Variants in RANGAP1 observed in about 807,000 individuals in gnomAD.
RANGAP1 encodes the protein Ran GTPase activating protein 1.
A neutral mutation model predicts 63.5 loss-of-function variants in RANGAP1; 38 were observed. That is an observed-to-expected ratio of 0.60 (90% CI 0.46 to 0.78). RANGAP1 has a LOEUF of 0.78. Ranked by LOEUF, RANGAP1 falls within the 30% of genes least tolerant of loss-of-function variation. The pLI is 0.00. For missense variants in RANGAP1, 630 were observed against 740.3 expected (o/e 0.85, Z 1.73); for synonymous variants, 329 against 310.5 (o/e 1.06, Z -0.63).
chr22:41,296,751 C>G, the RANGAP1 span, among the ~76,000 whole-genome samples: 6 of 151,754 alleles, frequency 4.0e-5, no homozygotes, highest in Admixed American at 3.9e-4. Context: ...ATAGAATCAG[C>G]AGGAGATATA....
the RANGAP1 span, among the ~76,000 whole-genome samples, chr22:41,294,326 T>C: frequency 6.6e-6 from 1 of 152,230 alleles, no homozygotes; most frequent in Non-Finnish European, 1.5e-5. Context: ...GGTGCCGGGA[T>C]TGCAGACGGA....
chr22:41,284,651 C>T (rs9623369), intron 1 of RANGAP1, among the ~76,000 whole-genome samples: 1 of 151,886 alleles, frequency 6.6e-6, no homozygotes. Context: ...GTGGGCGGAT[C>T]GATTGAGCAC....
At chr22:41,272,029 C>T (rs751814825) in intron 3 of RANGAP1, among the ~76,000 whole-genome samples, 16 of 152,218 alleles carry the variant, frequency 1.1e-4, no homozygotes, top group Non-Finnish European at 1.9e-4. Context: ...AGGACAACCT[C>T]TGAGGAAGAA....
chr22:41,272,073 C>T (rs2145802307), intron 3 of RANGAP1, among the ~76,000 whole-genome samples: 1 of 152,334 alleles, frequency 6.6e-6, no homozygotes, highest in Admixed American at 6.5e-5. Context: ...ATATAAGAGC[C>T]CAGCCTCAGA....
chr22:41,261,969 G>A (rs1016638314), intron 5 of RANGAP1, among the ~76,000 whole-genome samples: 8 of 152,292 alleles, frequency 5.3e-5, no homozygotes, highest in African/African-American at 1.9e-4. Context: ...CCATTTTCCA[G>A]CTGAAGAAAC....
the RANGAP1 span, among the ~76,000 whole-genome samples, chr22:41,300,086 C>G: frequency 6.6e-6 from 1 of 152,054 alleles, no homozygotes; most frequent in African/African-American, 2.4e-5. Flanking sequence ...ATCCTCACCT[C>G]TGGTTGGGGT....
chr22:41,272,206 A>G (rs1161680583), intron 3 of RANGAP1, among the ~76,000 whole-genome samples: 2 of 151,798 alleles, frequency 1.3e-5, no homozygotes, highest in Non-Finnish European at 2.9e-5. Context: ...TGGCTCCTTC[A>G]TTCCTGTTCT....
chr22:41,284,074 C>T (rs935778059), intron 1 of RANGAP1, among the ~76,000 whole-genome samples: 95 of 151,866 alleles, frequency 6.3e-4, no homozygotes, highest in Admixed American at 4.8e-3. Context: ...CGGTGAAACC[C>T]GTCTCCACTA....
rs144343100 is a variant in RANGAP1, at chr22:41,258,060, T to G, written c.662A>C (p.Asn221Thr). Residue 221 changes from asparagine to threonine, a missense_variant, in exon 7 of 16, where the codon AAC (asparagine) becomes ACC (threonine). By Grantham distance (65) the Asn-to-Thr change is moderately conservative. Coordinates refer to ENST00000356244, the MANE Select transcript of RANGAP1 (RefSeq NM_002883.4). Reference protein sequence around the residue: ...EEVHMPQNGINHPGITALAQA... With the variant: ...EEVHMPQNGITHPGITALAQA... ...GGCCAGGGCAGTGATGCCAGGGTGG[T>G]TGATCCCATTCTGTGGCATGTGGAC... The G allele has an allele frequency of 1.2e-6, 2 of 1,613,400 alleles. No individual in the cohort carries two copies. The highest frequency in any genetic ancestry group is 2.2e-5 in the East Asian group (1 of 44,810).
At chr22:41,300,100 G>T in the RANGAP1 span, among the ~76,000 whole-genome samples, 2 of 152,002 alleles carry the variant, frequency 1.3e-5, no homozygotes, top group African/African-American at 4.8e-5. Flanking sequence ...TTGGGGTCTT[G>T]TAATAAAGAC....
intron 4 of RANGAP1, among the ~76,000 whole-genome samples, chr22:41,266,083 T>A (rs1439085118): frequency 6.6e-6 from 1 of 151,912 alleles, no homozygotes; most frequent in East Asian, 1.9e-4. Context: ...GCGCCTGTAG[T>A]CCCAGCTACT....
rs746356552 is a variant in RANGAP1, at chr22:41,258,018, T to C, written c.704A>G (p.Asn235Ser). 1.2e-5 allele frequency: 20 copies of C among 1,612,986 alleles called. No homozygotes were observed. The Middle Eastern group carries it at 8.2e-4, about 66-fold the overall frequency. The stretch of plus-strand genomic sequence containing the variant: ...CAGGTTGATGACCCGCAGCAGGGGG[T>C]TGACAGCGAAAGCCTGGGCCAGGGC... ...ITALAQAFAV[N>S]PLLRVINLND... Residue 235 changes from asparagine (N) to serine (S), a missense_variant, in exon 7 of 16, where the codon AAC (asparagine) becomes AGC (serine). Physicochemically the swap from Asn to Ser is conservative, Grantham distance 46 (BLOSUM62 1). This residue lies in a region of RANGAP1 where 428 missense variants were observed against 465.5 expected (regional missense o/e 0.92). Transcript: ENST00000356244.
intron 5 of RANGAP1, among the ~76,000 whole-genome samples, chr22:41,262,220 T>A (rs1460987680): frequency 6.6e-6 from 1 of 152,108 alleles, no homozygotes; most frequent in African/African-American, 2.4e-5. Flanking sequence ...GTCCCTGGTG[T>A]GGTGCCAGGA....
intron 3 of RANGAP1, among the ~76,000 whole-genome samples, chr22:41,268,865 G>A (rs1471215954): frequency 1.3e-5 from 2 of 152,096 alleles, no homozygotes; most frequent in African/African-American, 4.8e-5. Flanking sequence ...GACCAGTCTG[G>A]CCAACATGGT....
intron 1 of RANGAP1, among the ~76,000 whole-genome samples, chr22:41,283,931 G>A (rs1395955700): frequency 6.6e-6 from 1 of 152,154 alleles, no homozygotes; most frequent in Non-Finnish European, 1.5e-5. Context: ...CTCAAGAAAC[G>A]ACCAGTTGAA....
intron 2 of RANGAP1, among the ~76,000 whole-genome samples, chr22:41,276,464 C>A (rs992117142): frequency 6.6e-6 from 1 of 151,088 alleles, no homozygotes; most frequent in Non-Finnish European, 1.5e-5. Flanking sequence ...ATGATGAAAC[C>A]CTGTCTCTAA....
intron 10 of RANGAP1, among the ~76,000 whole-genome samples, chr22:41,254,995 A>AC (rs1555930540): frequency 5.3e-5 from 8 of 151,142 alleles, no homozygotes; most frequent in Admixed American, 2.0e-4. Context: ...AAAAAAAAAA[A>AC]CAAAAAAAAA....
chr22:41,276,988 A>G (rs910608420), intron 2 of RANGAP1, among the ~76,000 whole-genome samples: 3 of 147,810 alleles, frequency 2.0e-5, no homozygotes, highest in African/African-American at 7.4e-5. Context: ...GTTTCTCAGA[A>G]AAAAAAAAAA....
At chr22:41,287,552 G>T (rs958697518), upstream of RANGAP1, among the ~76,000 whole-genome samples, 5 of 151,906 alleles carry the variant, frequency 3.3e-5, no homozygotes, top group African/African-American at 1.2e-4. Context: ...TGTAGTCTCA[G>T]CTAAGGGCCT....
Sources: gnomAD v4.1 joint callset for allele counts (sites outside exome capture counted in the v4.1 genomes callset) on GRCh38, gnomAD v4.1.1 for gene constraint, gnomAD v4.1.1 regional missense constraint, MANE v1.5 for transcripts, NCBI Gene and HGNC (gene_info 2026-07-23, HGNC 2026-07-21) for gene names.